The following IRF4 variants were observed in gnomAD, a reference collection of about 807,000 sequenced individuals.
IRF4 encodes the protein interferon regulatory factor 4.
A neutral mutation model predicts 55.5 loss-of-function variants in IRF4; 13 were observed. That is an observed-to-expected ratio of 0.23 (90% CI 0.15 to 0.37). The LOEUF is 0.37. Among genes scored for constraint, IRF4 ranks in the 10% least tolerant of loss-of-function variants. The probability of loss-of-function intolerance (pLI) is 1.00; values close to 1 mark genes in which losing one functional copy is unlikely to be tolerated. For missense variants in IRF4, 397 were observed against 593.8 expected (o/e 0.67, Z 3.44); for synonymous variants, 249 against 240.7 (o/e 1.03, Z -0.32).
chr6:407,585 C>G lies in IRF4; in HGVS notation c.1343C>G (p.Ser448Cys). 1 of 1,595,202 alleles carries G rather than the reference C, an allele frequency of 6.3e-7. No homozygotes were observed. Among genetic ancestry groups the G allele is most frequent in the Non-Finnish European group, 8.5e-7 (1 of 1,170,108 alleles). The change falls in exon 9 of 9, where the codon TCT becomes TGT. Residue 448 changes from serine to cysteine, a missense_variant. By Grantham distance (112) the Ser-to-Cys change is moderately radical. Around this residue, in one of 3 missense-constraint regions of IRF4, gnomAD observed 22 missense variants for 16.3 expected, o/e 1.35. Transcript: ENST00000380956. ...TACCACAGATCTATCCGCCATTCCTCTATTCAAGAATGAAAAATGTCAAGA... is the reference window on the plus strand; with the variant it reads ...TACCACAGATCTATCCGCCATTCCTGTATTCAAGAATGAAAAATGTCAAGA... ...EDYHRSIRHSSIQE is the reference protein window; with the variant it reads ...EDYHRSIRHSCIQE
intron 5 of IRF4, among the ~76,000 whole-genome samples, chr6:398,374 A>G (rs895838279): frequency 3.9e-5 from 6 of 152,238 alleles, no homozygotes; most frequent in Non-Finnish European, 8.8e-5. Flanking sequence ...GTCTTCAGGA[A>G]CATGGTTCAG....
chr6:392,377 G>C (rs1761128150), intron 1 of IRF4, among the ~76,000 whole-genome samples: 1 of 152,120 alleles, frequency 6.6e-6, no homozygotes. Context: ...CTCCGCAGCT[G>C]TCGTCGCCCT....
chr6:401,896 C>T (rs1434540942), intron 7 of IRF4, 119 bp downstream of exon 7: 8 of 834,546 alleles, frequency 9.6e-6, no homozygotes, highest in Non-Finnish European at 1.3e-5. Flanking sequence ...GACTTCGGCG[C>T]CCACTGGGCT....
At chr6:398,779 C>A in intron 5 of IRF4, 49 bp from the exon 6 acceptor site, 2 of 1,403,022 alleles carry the variant, frequency 1.4e-6, no homozygotes, top group Non-Finnish European at 2.0e-6. Flanking sequence ...CCCCGCGGTG[C>A]GTCGGACTCT....
At chr6:394,670 C>T (rs1413513240) in intron 2 of IRF4, 151 bp from the exon 3 acceptor site, 1 of 723,052 alleles carries the variant, frequency 1.4e-6, no homozygotes, top group African/African-American at 1.8e-5. Context: ...ATAGGAGGAC[C>T]CTAGAACTCA....
Position 411,401 on chromosome 6 carries a change from A to T in IRF4, c.*3803A>T. 1 of 196,922 alleles carries T rather than the reference A, an allele frequency of 5.1e-6. No homozygotes were observed. Among genetic ancestry groups the T allele is most frequent in the Non-Finnish European group, 1.1e-5 (1 of 94,680 alleles). 12.2% of individuals were successfully genotyped at this position (196,922 alleles called of 1,614,324 possible). On this transcript the variant is annotated 3_prime_UTR_variant, in exon 9 of 9. Transcript: ENST00000380956. ...GCAAAGCAAATTGATATGTTTGATAAATTTATGTTTTTAGGTAAATAAAAA... is the reference window on the plus strand; with the variant it reads ...GCAAAGCAAATTGATATGTTTGATATATTTATGTTTTTAGGTAAATAAAAA...
chr6:407,359 C>T (rs919319959), intron 8 of IRF4, 96 bp from the exon 9 acceptor site: 6 of 1,190,042 alleles, frequency 5.0e-6, no homozygotes, highest in Non-Finnish European at 7.2e-6. Flanking sequence ...TAACTTTGGG[C>T]TTTACGTTAC....
chr6:411,177 TCAG>T lies in IRF4; in HGVS notation c.*3582_*3584del, dbSNP rs1473385060. 2.2e-5 allele frequency: 5 copies of T among 231,626 alleles called. No homozygotes were observed. The highest frequency in any genetic ancestry group is 1.1e-4 in the African/African-American group (5 of 45,358). The allele number at this position is 231,626 out of a possible 1,614,324, so 14.3% of individuals were successfully genotyped here. A position where few individuals can be genotyped will look rare whatever the true frequency, so the allele number is the denominator to read the frequency against. Reference sequence around the variant, plus strand: ...GGCAATGGGGTCCACTTCCCCCTCTTCAGCATCCCCCGTACCCCACTTTCTGCT... The same window carrying T: ...GGCAATGGGGTCCACTTCCCCCTCTTCATCCCCCGTACCCCACTTTCTGCT... On this transcript the variant is annotated 3_prime_UTR_variant, in exon 9 of 9. Transcript: ENST00000380956.
intron 2 of IRF4, among the ~76,000 whole-genome samples, chr6:394,073 C>A (rs376907261): frequency 1.3e-5 from 2 of 152,190 alleles, no homozygotes; most frequent in Admixed American, 6.5e-5. Context: ...CAGAGAACTA[C>A]GTGTCTGGGC....
rs1413805668 is a variant in IRF4 at position 396,051 on chromosome 6, C to G, written c.492+116C>G. ...AACTTGCCATTTGCTATGGCTGCTC[C>G]AACAGCCCAGAAAAACCCCAGGTCA... On this transcript the variant is annotated intron_variant, in intron 4 of 8. Coordinates refer to ENST00000380956, the MANE Select transcript of IRF4 (RefSeq NM_002460.4). 10 of 748,020 alleles carry G rather than the reference C, an allele frequency of 1.3e-5. No homozygotes were observed. In the East Asian group the frequency reaches 1.9e-4, roughly 14 times the overall value. The allele number at this position is 748,020 out of a possible 1,614,324, so 46.3% of individuals were successfully genotyped here.
In IRF4 at chr6:394,806, A is replaced by G; in HGVS notation, c.217-15A>G. On this transcript the variant is annotated splice_polypyrimidine_tract_variant and intron_variant, in intron 2 of 8. Transcript: ENST00000380956. Reference sequence around the variant, plus strand: ...TGTATTTTGACTTTTCGTTCTCTTCATTCTTTCCCACCAGGCTTGGGCACT... The same window carrying G: ...TGTATTTTGACTTTTCGTTCTCTTCGTTCTTTCCCACCAGGCTTGGGCACT... 6.2e-7 allele frequency: 1 copy of G among 1,604,934 alleles called. No individual in the cohort carries two copies. The highest frequency in any genetic ancestry group is 8.5e-7 in the Non-Finnish European group (1 of 1,176,852).
chr6:403,039 G>A (rs968960384), intron 7 of IRF4, among the ~76,000 whole-genome samples: 11 of 152,176 alleles, frequency 7.2e-5, no homozygotes, highest in Non-Finnish European at 1.2e-4. Flanking sequence ...ATTGCCCCCC[G>A]CACCACAAAA....
At chr6:398,154 C>T (rs1308781160) in intron 5 of IRF4, among the ~76,000 whole-genome samples, 1 of 152,200 alleles carries the variant, frequency 6.6e-6, no homozygotes, top group Non-Finnish European at 1.5e-5. Context: ...AATTGGCTAA[C>T]ATAAAACTAG....
rs561308220 is a variant in IRF4 at position 392,161 on chromosome 6, C to T, written c.-56+352C>T. 2.0e-5 allele frequency among the ~76,000 whole-genome samples: 3 copies of T among 152,382 alleles called. No individual in the cohort carries two copies. In the East Asian group the frequency reaches 5.8e-4, roughly 29 times the overall value. ...AAGGCACCCACACAAGACGGCACAA[C>T]TGCCTGCGAGAAACAGGCCCGGCCC... On this transcript the variant is annotated intron_variant, in intron 1 of 8. Coordinates refer to ENST00000380956, the MANE Select transcript of IRF4 (RefSeq NM_002460.4).
intron 5 of IRF4, 107 bp from the exon 6 acceptor site, chr6:398,721 G>A: frequency 1.4e-6 from 1 of 692,966 alleles, no homozygotes; most frequent in Non-Finnish European, 2.4e-6. Context: ...GAAGGTGATT[G>A]GGCGCCAGCC....
rs1761633402 is a variant in IRF4 at position 409,369 on chromosome 6, C to A, written c.*1771C>A. 1 of 199,694 alleles carries A rather than the reference C, an allele frequency of 5.0e-6. No individual in the cohort carries two copies. Among genetic ancestry groups the A allele is most frequent in the African/African-American group, 2.3e-5 (1 of 43,470 alleles). The allele number at this position is 199,694 out of a possible 1,614,324, so 12.4% of individuals were successfully genotyped here. Reference sequence around the variant, plus strand: ...CTCCTTTTTTCCCAGCCCAAATTCTCCTCTCTAAAAGTGTCCACAAGAAGG... The same window carrying A: ...CTCCTTTTTTCCCAGCCCAAATTCTACTCTCTAAAAGTGTCCACAAGAAGG... On this transcript the variant is annotated 3_prime_UTR_variant, in exon 9 of 9. Transcript: ENST00000380956.
In IRF4 at chr6:394,871, C is replaced by A. The variant is rs1226872247; in HGVS notation, c.267C>A (p.Asp89Glu). 1 of 1,614,210 alleles carries A rather than the reference C, an allele frequency of 6.2e-7. No homozygotes were observed. The highest frequency in any genetic ancestry group is 8.5e-7 in the Non-Finnish European group (1 of 1,180,026). The change falls in exon 3 of 9, where the codon GAC becomes GAA. Residue 89 changes from aspartate (D) to glutamate (E), a missense_variant. Asp to Glu is a conservative substitution (Grantham distance 45, BLOSUM62 2). Transcript: ENST00000380956. ...GKFREGIDKPDPPTWKTRLRC... is the reference protein window; with the variant it reads ...GKFREGIDKPEPPTWKTRLRC... ...TCCGAGAAGGCATCGACAAGCCGGA[C>A]CCTCCCACCTGGAAGACGCGCCTGC...
At chr6:398,769 C>G (rs1761329238) in intron 5 of IRF4, 59 bp from the exon 6 acceptor site, 2 of 1,261,068 alleles carry the variant, frequency 1.6e-6, no homozygotes, top group East Asian at 2.4e-5. Flanking sequence ...CCCCAGGAAG[C>G]CCCGCGGTGC....
intron 5 of IRF4, chr6:397,560 A>G (rs992131687): frequency 6.7e-6 from 2 of 299,682 alleles, no homozygotes; most frequent in Middle Eastern, 9.1e-4. Flanking sequence ...GTGGAAGCTC[A>G]TAAATAATAA....
Sources: gnomAD v4.1 joint callset for allele counts (sites outside exome capture counted in the v4.1 genomes callset) on GRCh38, gnomAD v4.1.1 for gene constraint, gnomAD v4.1.1 regional missense constraint, MANE v1.5 for transcripts, NCBI Gene and HGNC (gene_info 2026-07-23, HGNC 2026-07-21) for gene names.